The following CCND2 variants were observed in gnomAD, a reference collection of about 807,000 sequenced individuals.
The protein encoded by CCND2 is G1/S-specific cyclin-D2.
A neutral mutation model predicts 30.2 loss-of-function variants in CCND2; 6 were observed. The ratio of observed to expected loss-of-function variants is 0.20; its 90% CI spans 0.11 to 0.39. The LOEUF is 0.39. Among genes scored for constraint, CCND2 ranks in the 10% least tolerant of loss-of-function variants. CCND2 has a pLI of 1.00. For missense variants in CCND2, 235 were observed against 373.4 expected, an observed-to-expected ratio of 0.63 and a Z score of 3.06; for synonymous variants, 150 against 153.1, an observed-to-expected ratio of 0.98 and a Z score of 0.15.
In CCND2 at chr12:4,300,175, G is replaced by A. The variant is rs868534479; in HGVS notation, c.*166G>A. On this transcript the variant is annotated 3_prime_UTR_variant, in exon 5 of 5. Coordinates refer to ENST00000261254, the MANE Select transcript of CCND2 (RefSeq NM_001759.4). ...TAGAAGTGAGAGAAAAAGGTCCTAC[G>A]AAAACGGAATAATAAAAAGCATTTG... The A allele has an allele frequency of 7.6e-6, 5 of 657,278 alleles. No individual in the cohort carries two copies. The highest frequency in any genetic ancestry group is 1.2e-5 in the Non-Finnish European group (5 of 404,236). 40.7% of individuals were successfully genotyped at this position (657,278 alleles called of 1,614,324 possible).
In CCND2 at chr12:4,277,070, T is replaced by A. The variant is rs563197139; in HGVS notation, c.411+850T>A. On this transcript the variant is annotated intron_variant, in intron 2 of 4. Transcript: ENST00000261254. The stretch of plus-strand genomic sequence containing the variant: ...GTCCACAGGGCTGAGGCTGGCTTCT[T>A]GAACTGAGCTCTTTGTGAGGAGCCT... Among the ~76,000 whole-genome samples, 8 of 152,352 alleles carry A rather than the reference T, an allele frequency of 5.3e-5. No individual in the cohort carries two copies. In the South Asian group the frequency reaches 1.7e-3, roughly 32 times the overall value.
intron 4 of CCND2, among the ~76,000 whole-genome samples, chr12:4,298,590 G>A (rs1864205854): frequency 6.6e-6 from 1 of 152,164 alleles, no homozygotes; most frequent in Non-Finnish European, 1.5e-5. Context: ...TTTTGGGCTT[G>A]GCAAAATAGA....
At chr12:4,275,860 T>C (rs1863865125) in intron 1 of CCND2, 145 bp from the exon 2 acceptor site, 3 of 573,430 alleles carry the variant, frequency 5.2e-6, no homozygotes, top group South Asian at 4.8e-5. Flanking sequence ...TTTATTCTTA[T>C]CACGCATTCT....
intron 3 of CCND2, among the ~76,000 whole-genome samples, chr12:4,286,042 T>C (rs1864018584): frequency 6.6e-6 from 1 of 152,210 alleles, no homozygotes; most frequent in Non-Finnish European, 1.5e-5. Flanking sequence ...TGGGAGGTTA[T>C]CCTGCTTACT....
rs1864043414 is a variant in CCND2 at position 4,287,752 on chromosome 12, G to T, written c.572-1090G>T. Among the ~76,000 whole-genome samples the T allele has an allele frequency of 6.6e-6, 1 of 152,222 alleles. No homozygotes were observed. The highest frequency in any genetic ancestry group is 1.5e-5 in the Non-Finnish European group (1 of 68,032). ...TAATGTGTAGCGTACTGCATGTGGT[G>T]GTCATTGGTAGCTGTCAGCAGCTGT... On this transcript the variant is annotated intron_variant, in intron 3 of 4. Transcript: ENST00000261254. The surrounding 1 kb of genome is among the most constrained non-coding windows in gnomAD (Gnocchi z 4.0).
chr12:4,283,087 G>GC (rs1383542369), intron 3 of CCND2, among the ~76,000 whole-genome samples: 1 of 152,222 alleles, frequency 6.6e-6, no homozygotes, highest in East Asian at 1.9e-4. Flanking sequence ...AATGTACTGG[G>GC]CAGGACCATG....
At chr12:4,284,273 T>C (rs1390227266) in intron 3 of CCND2, among the ~76,000 whole-genome samples, 1 of 152,230 alleles carries the variant, frequency 6.6e-6, no homozygotes, top group Non-Finnish European at 1.5e-5. Context: ...AACGTGGGTA[T>C]TGCTGTTGTC....
chr12:4,279,685 C>T (rs1863921559), intron 3 of CCND2, among the ~76,000 whole-genome samples: 1 of 151,078 alleles, frequency 6.6e-6, no homozygotes, highest in African/African-American at 2.4e-5. Context: ...TTGCTGTTGT[C>T]TTATTAAACA....
chr12:4,278,737 T>C, intron 2 of CCND2, 23 bp from the exon 3 acceptor site: 1 of 1,612,820 alleles, frequency 6.2e-7, no homozygotes, highest in Non-Finnish European at 8.5e-7. Context: ...ATTCTCCTCT[T>C]CTCTTCCTGC....
rs2120560448 is a variant in CCND2, at chr12:4,288,835, C to T, written c.572-7C>T. On this transcript the variant is annotated splice_polypyrimidine_tract_variant and splice_region_variant and intron_variant, in intron 3 of 4. Coordinates refer to ENST00000261254, the MANE Select transcript of CCND2 (RefSeq NM_001759.4). ...TGCCCTGACCTTCTGCCTCTCATTC[C>T]TTGCAGACTTTAAGTTTGCCATGTA... 6.2e-7 allele frequency: 1 copy of T among 1,607,608 alleles called. No individual in the cohort carries two copies. Among genetic ancestry groups the T allele is most frequent in the Non-Finnish European group, 8.5e-7 (1 of 1,176,598 alleles).
rs1248568139 is a variant in CCND2, at chr12:4,285,981, C to T, written c.572-2861C>T. ...CCTCATTGTTCTTCTCCTTGGGAGT[C>T]ATTCCCATTCCAGATCCTCAAGTAA... On this transcript the variant is annotated intron_variant, in intron 3 of 4. Coordinates refer to ENST00000261254, the MANE Select transcript of CCND2 (RefSeq NM_001759.4). This position sits in a 1 kb window ranked among gnomAD's most constrained non-coding sequence, Gnocchi z 4.1. Among the ~76,000 whole-genome samples the T allele has an allele frequency of 6.6e-6, 1 of 152,138 alleles. No individual in the cohort carries two copies. The highest frequency in any genetic ancestry group is 1.5e-5 in the Non-Finnish European group (1 of 68,032).
At chr12:4,279,011 A>C in intron 3 of CCND2, 92 bp downstream of exon 3, 1 of 1,332,748 alleles carries the variant, frequency 7.5e-7, no homozygotes, top group Non-Finnish European at 1.0e-6. Flanking sequence ...CTTTCATTTT[A>C]GTTCAGGAGT....
chr12:4,295,499 G>A (rs932448943), intron 4 of CCND2, among the ~76,000 whole-genome samples: 1 of 152,194 alleles, frequency 6.6e-6, no homozygotes, highest in African/African-American at 2.4e-5. Flanking sequence ...TGGCCAGGCT[G>A]GGTGTGGTGG....
chr12:4,299,447 C>G lies in CCND2; in HGVS notation c.721-413C>G, dbSNP rs1473280598. The stretch of plus-strand genomic sequence containing the variant: ...TGAGTTTGCTAATGTCATAGCACTT[C>G]TAGTAGCCTTCCCCTTTTCTCTGCC... On this transcript the variant is annotated intron_variant, in intron 4 of 4. Coordinates refer to ENST00000261254, the MANE Select transcript of CCND2 (RefSeq NM_001759.4). The surrounding 1 kb of genome is among the most constrained non-coding windows in gnomAD (Gnocchi z 5.2). Among the ~76,000 whole-genome samples the G allele has an allele frequency of 3.3e-5, 5 of 152,182 alleles. No individual in the cohort carries two copies. The highest frequency in any genetic ancestry group is 1.2e-4 in the African/African-American group (5 of 41,444).
chr12:4,278,618 C>G, intron 2 of CCND2, 142 bp from the exon 3 acceptor site: 1 of 660,326 alleles, frequency 1.5e-6, no homozygotes. Context: ...GGCACATTGA[C>G]AAATGGGCCC....
intron 4 of CCND2, among the ~76,000 whole-genome samples, chr12:4,296,130 C>T (rs1214924749): frequency 1.3e-5 from 2 of 152,246 alleles, no homozygotes; most frequent in Non-Finnish European, 2.9e-5. Flanking sequence ...ACGCGCATGG[C>T]CTGAAACCGA....
Position 4,274,718 on chromosome 12 carries a change from G to A in CCND2, c.195+483G>A, listed in dbSNP as rs528300234. On this transcript the variant is annotated intron_variant, in intron 1 of 4. Transcript: ENST00000261254. The surrounding 1 kb of genome is among the most constrained non-coding windows in gnomAD (Gnocchi z 7.7). ...GCTGGCACTTCACCGGGGAGGTGGA[G>A]GGAGGAGGGAGAAGGAGAGAAACGG... Among the ~76,000 whole-genome samples the A allele has an allele frequency of 2.0e-5, 3 of 152,328 alleles. No homozygotes were observed. Among genetic ancestry groups the A allele is most frequent in the African/African-American group, 7.2e-5 (3 of 41,574 alleles).
At chr12:4,279,689 T>C (rs145648142) in intron 3 of CCND2, among the ~76,000 whole-genome samples, 1 of 145,290 alleles carries the variant, frequency 6.9e-6, no homozygotes, top group African/African-American at 2.5e-5. Context: ...TGTTGTCTTA[T>C]TAAACAGCCT....
chr12:4,286,489 G>A (rs547852125), intron 3 of CCND2, among the ~76,000 whole-genome samples: 1 of 152,320 alleles, frequency 6.6e-6, no homozygotes, highest in East Asian at 1.9e-4. Flanking sequence ...CGTCTTCTGT[G>A]TAGCGGGCAA....
Sources: gnomAD v4.1 joint callset for allele counts (sites outside exome capture counted in the v4.1 genomes callset) on GRCh38, gnomAD v4.1.1 for gene constraint, Gnocchi (gnomAD v3.1) non-coding constraint, MANE v1.5 for transcripts, NCBI Gene and HGNC (gene_info 2026-07-23, HGNC 2026-07-21) for gene names.